The following TTC13 variants were observed in gnomAD, a reference collection of about 807,000 sequenced individuals.
TTC13 encodes tetratricopeptide repeat domain 13.
In TTC13, 62 loss-of-function variants were observed where a neutral mutation model predicts 120.0. The ratio of observed to expected loss-of-function variants is 0.52; its 90% confidence interval spans 0.42 to 0.64. TTC13 has a LOEUF of 0.64. Ranked by LOEUF, TTC13 falls within the 30% of genes least tolerant of loss-of-function variation. The pLI is 0.00. For synonymous variants in TTC13, 384 were observed against 393.5 expected (o/e 0.98, Z 0.28); for missense variants, 824 against 1,050.2 (o/e 0.78, Z 2.98).
At chr1:230,917,706 G>A (rs1224154401) in intron 17 of TTC13, among the ~76,000 whole-genome samples, 1 of 151,874 alleles carries the variant, frequency 6.6e-6, no homozygotes, top group Non-Finnish European at 1.5e-5. Context: ...TGAGGCTGGC[G>A]ATGCCGCGTC....
intron 1 of TTC13, among the ~76,000 whole-genome samples, chr1:230,968,557 G>T (rs184683440): frequency 2.2e-4 from 33 of 152,250 alleles, no homozygotes; most frequent in Admixed American, 2.2e-3. Flanking sequence ...AAGGAGAGAA[G>T]GGGCAAGTAG....
At chr1:230,962,110 T>C (rs11122164) in intron 1 of TTC13, among the ~76,000 whole-genome samples, 48,287 of 151,622 alleles carry the variant, frequency 0.32, 7,779 homozygotes, top group Middle Eastern at 0.48. Flanking sequence ...CTTGGGAGGC[T>C]GAGGCAGGAG....
chr1:230,961,572 A>G (rs1209338765), intron 1 of TTC13, among the ~76,000 whole-genome samples: 6 of 152,022 alleles, frequency 3.9e-5, no homozygotes, highest in Non-Finnish European at 7.4e-5. Context: ...TCTCTAGAAA[A>G]CAAAAAATAG....
Position 230,906,944 on chromosome 1 carries a change from T to C in TTC13, c.2544A>G (p.Leu848=), listed in dbSNP as rs373401455. ...FPTLRSMIEV[L]NTDSSPRCLK... is the part of the protein sequence containing the mutation. Reference sequence around the variant, plus strand: ...GACAACGTGGAGAAGAGTCTGTGTTTAGCACCTCAATCATCGATCTTAACG... The same window carrying C: ...GACAACGTGGAGAAGAGTCTGTGTTCAGCACCTCAATCATCGATCTTAACG... Residue 848 remains leucine (L), a synonymous_variant, in exon 23 of 23, where the codon CTA becomes CTG. Coordinates refer to ENST00000366661, the MANE Select transcript of TTC13 (RefSeq NM_024525.5). 2.6e-6 allele frequency: 4 copies of C among 1,544,048 alleles called. No homozygotes were observed. The highest frequency in any genetic ancestry group is 1.2e-5 in the South Asian group (1 of 81,010).
chr1:230,916,306 T>C lies in TTC13; in HGVS notation c.1984-4A>G. 1 of 1,610,390 alleles carries C rather than the reference T, an allele frequency of 6.2e-7. No homozygotes were observed. The highest frequency in any genetic ancestry group is 2.2e-5 in the East Asian group (1 of 44,872). On this transcript the variant is annotated splice_polypyrimidine_tract_variant and splice_region_variant and intron_variant, in intron 17 of 22. Coordinates refer to ENST00000366661, the MANE Select transcript of TTC13 (RefSeq NM_024525.5). ...CCTTCGTTTTAGTATTAAACTGCTT[T>C]CAGGGAAAAAGAAAATTCACGTTAC...
intron 1 of TTC13, among the ~76,000 whole-genome samples, chr1:230,965,684 G>A (rs1230306794): frequency 6.6e-6 from 1 of 152,226 alleles, no homozygotes; most frequent in African/African-American, 2.4e-5. Flanking sequence ...ATTTGCTGCA[G>A]CAGTGTTTAC....
intron 1 of TTC13, among the ~76,000 whole-genome samples, chr1:230,962,635 T>C (rs1325685063): frequency 2.0e-5 from 3 of 152,216 alleles, no homozygotes; most frequent in Non-Finnish European, 2.9e-5. Context: ...AAGTATTGTA[T>C]ATACATGTTC....
Position 230,943,895 on chromosome 1 carries a change from T to C in TTC13, c.583A>G (p.Ile195Val), listed in dbSNP as rs1462940827. The C allele has an allele frequency of 2.5e-6, 4 of 1,607,526 alleles. No individual in the cohort carries two copies. The highest frequency in any genetic ancestry group is 3.4e-6 in the Non-Finnish European group (4 of 1,175,902). Residue 195 changes from isoleucine (I) to valine (V), a missense_variant, in exon 6 of 23, where the codon ATT becomes GTT. By Grantham distance (29) the Ile-to-Val change is conservative. Around this residue, in one of 4 missense-constraint regions of TTC13, gnomAD observed 430 missense variants for 626.8 expected, o/e 0.69. Coordinates refer to ENST00000366661, the MANE Select transcript of TTC13 (RefSeq NM_024525.5). ...AACAGAGCAAGCTCAGCATTCTTAA[T>C]GTCCTTGAAAAGGCATTAGCTTAGT... is the stretch of plus-strand genomic sequence containing the variant. ...IAYGKKGLHD[I>V]KNAELALFEL...
chr1:230,911,124 AAGGAAGAGGAGG>A (rs1671456907), intron 20 of TTC13, among the ~76,000 whole-genome samples: 1 of 152,232 alleles, frequency 6.6e-6, no homozygotes, highest in African/African-American at 2.4e-5. Context: ...CAAAATGGAA[AAGGAAGAGGAGG>A]AGGAAGAGGT....
At chr1:230,922,389 G>A (rs549843018) in intron 15 of TTC13, among the ~76,000 whole-genome samples, 1 of 152,236 alleles carries the variant, frequency 6.6e-6, no homozygotes, top group Non-Finnish European at 1.5e-5. Flanking sequence ...TTACCTCCGA[G>A]GTTCCTGCCT....
At chr1:230,957,512 T>C (rs953475872) in intron 3 of TTC13, among the ~76,000 whole-genome samples, 2 of 152,198 alleles carry the variant, frequency 1.3e-5, no homozygotes, top group African/African-American at 4.8e-5. Context: ...GATAAAATAA[T>C]TATGCATAAA....
chr1:230,947,286 T>G (rs1675088669), intron 4 of TTC13, among the ~76,000 whole-genome samples: 1 of 151,468 alleles, frequency 6.6e-6, no homozygotes, highest in Non-Finnish European at 1.5e-5. Flanking sequence ...AGGATACAGG[T>G]GTCAGGGGGA....
In TTC13 at chr1:230,912,778, T is replaced by G; in HGVS notation, c.2094-20A>C. ...CCAACTCTGAAAATACAAAAATAAG[T>G]GTGAAAGGCATGTATTATAAGTTCA... On this transcript the variant is annotated intron_variant, in intron 18 of 22. Coordinates refer to ENST00000366661, the MANE Select transcript of TTC13 (RefSeq NM_024525.5). The G allele has an allele frequency of 6.3e-7, 1 of 1,598,686 alleles. No homozygotes were observed. Among genetic ancestry groups the G allele is most frequent in the African/African-American group, 1.3e-5 (1 of 74,184 alleles).
intron 4 of TTC13, among the ~76,000 whole-genome samples, chr1:230,950,514 T>A (rs193123726): frequency 2.6e-5 from 4 of 152,280 alleles, no homozygotes; most frequent in Admixed American, 2.6e-4. Context: ...TATTTACCAC[T>A]ACAAGGCTGG....
chr1:230,960,688 C>G (rs1053905935), intron 2 of TTC13, among the ~76,000 whole-genome samples: 1 of 151,798 alleles, frequency 6.6e-6, no homozygotes, highest in Non-Finnish European at 1.5e-5. Context: ...AACTTGGACA[C>G]GGAAAGAACA....
intron 1 of TTC13, among the ~76,000 whole-genome samples, chr1:230,971,000 G>A (rs1235857717): frequency 6.6e-6 from 1 of 152,178 alleles, no homozygotes; most frequent in Admixed American, 6.5e-5. Context: ...AGGTGGCTGT[G>A]TGGTATCAAC....
intron 19 of TTC13, among the ~76,000 whole-genome samples, chr1:230,912,236 C>T (rs1671582598): frequency 6.6e-6 from 1 of 152,164 alleles, no homozygotes; most frequent in East Asian, 1.9e-4. Context: ...TTGCCATTAA[C>T]TCATCAGAAT....
chr1:230,908,182 A>C (rs1263564340), intron 22 of TTC13, among the ~76,000 whole-genome samples: 2 of 152,140 alleles, frequency 1.3e-5, no homozygotes, highest in African/African-American at 4.8e-5. Context: ...CTACTTTTTA[A>C]ATTTTTTATT....
At chr1:230,938,377 G>A (rs535064466) in intron 8 of TTC13, among the ~76,000 whole-genome samples, 18 of 152,286 alleles carry the variant, frequency 1.2e-4, no homozygotes, top group African/African-American at 3.4e-4. Flanking sequence ...TCCCCGTCAG[G>A]TTCCAGGCCC....
Sources: gnomAD v4.1 joint callset for allele counts (sites outside exome capture counted in the v4.1 genomes callset) on GRCh38, gnomAD v4.1.1 for gene constraint, gnomAD v4.1.1 regional missense constraint, MANE v1.5 for transcripts, NCBI Gene and HGNC (gene_info 2026-07-23, HGNC 2026-07-21) for gene names.